Variants in MRAP2 observed in about 807,000 individuals in gnomAD.
MRAP2 encodes the protein melanocortin 2 receptor accessory protein 2, also known as melanocortin-2 receptor accessory protein 2.
MRAP2 carries 20 observed loss-of-function variants against 17.4 expected under a neutral mutation model. The ratio of observed to expected loss-of-function variants is 1.15; its 90% CI spans 0.81 to 1.67. The LOEUF (loss-of-function observed/expected upper bound fraction) is 1.67. Ranked by LOEUF, MRAP2 falls within the 40% of genes most tolerant of loss-of-function variation. The probability of loss-of-function intolerance (pLI) is 0.00; values close to 1 mark genes in which losing one functional copy is unlikely to be tolerated. For synonymous variants in MRAP2, 96 were observed against 88.4 expected (o/e 1.09, Z -0.48); for missense variants, 238 against 240.0 (o/e 0.99, Z 0.05).
At chr6:84,065,331 T>C (rs9449763) in intron 3 of MRAP2, among the ~76,000 whole-genome samples, 7,925 of 150,682 alleles carry the variant, frequency 0.053, 677 homozygotes, top group African/African-American at 0.18. Flanking sequence ...GAAAGGAAAA[T>C]ATCATTTTTA....
the MRAP2 span, among the ~76,000 whole-genome samples, chr6:84,139,363 G>A: frequency 6.6e-6 from 1 of 152,168 alleles, no homozygotes; most frequent in Non-Finnish European, 1.5e-5. Flanking sequence ...GTAAACCAGA[G>A]TTCTAAGCCA....
the MRAP2 span, among the ~76,000 whole-genome samples, chr6:84,116,095 C>T: frequency 6.6e-6 from 1 of 152,290 alleles, no homozygotes; most frequent in African/African-American, 2.4e-5. Flanking sequence ...GACTTCCTCT[C>T]TTCCTATTTA....
intron 3 of MRAP2, among the ~76,000 whole-genome samples, chr6:84,082,950 C>G (rs2099499376): frequency 6.6e-6 from 1 of 152,074 alleles, no homozygotes; most frequent in South Asian, 2.1e-4. Flanking sequence ...ATCACAGACA[C>G]CCCTTCCCCT....
chr6:84,100,262 AT>A, the MRAP2 span, among the ~76,000 whole-genome samples: 1 of 151,496 alleles, frequency 6.6e-6, no homozygotes, highest in Non-Finnish European at 1.5e-5. Context: ...TTTTATTTTT[AT>A]TTGTTTATTT....
chr6:84,077,216 A>T (rs1736724424), intron 3 of MRAP2, among the ~76,000 whole-genome samples: 3 of 152,244 alleles, frequency 2.0e-5, no homozygotes, highest in Admixed American at 2.0e-4. Flanking sequence ...AAGAGCACAG[A>T]GGAGGGACAG....
the MRAP2 span, among the ~76,000 whole-genome samples, chr6:84,122,467 T>C: frequency 4.5e-4 from 65 of 143,470 alleles, 2 homozygotes; most frequent in East Asian, 1.9e-3. Flanking sequence ...ACATAAACAA[T>C]AGAACAAAAA....
At chr6:84,062,463 T>C (rs947807107) in intron 2 of MRAP2, 6 of 881,964 alleles carry the variant, frequency 6.8e-6, no homozygotes, top group African/African-American at 1.8e-5. Flanking sequence ...TTGTTTTCCT[T>C]GCACAGTTAA....
intron 2 of MRAP2, among the ~76,000 whole-genome samples, chr6:84,057,884 T>C (rs960191948): frequency 3.3e-5 from 5 of 152,098 alleles, no homozygotes; most frequent in African/African-American, 1.2e-4. Flanking sequence ...AGGAGAGATT[T>C]GATAAAAGAC....
chr6:84,139,172 T>C, the MRAP2 span, among the ~76,000 whole-genome samples: 2 of 152,210 alleles, frequency 1.3e-5, no homozygotes, highest in African/African-American at 2.4e-5. Flanking sequence ...CATTTTCCTT[T>C]AGTGAAGAGG....
At chr6:84,093,409 C>G (rs2099502119), downstream of MRAP2, among the ~76,000 whole-genome samples, 1 of 152,074 alleles carries the variant, frequency 6.6e-6, no homozygotes, top group East Asian at 1.9e-4. Flanking sequence ...GTGCCATTTG[C>G]TCCCACAGGA....
chr6:84,125,297 C>T, the MRAP2 span: 1 of 1,602,778 alleles, frequency 6.2e-7, no homozygotes, highest in African/African-American at 1.3e-5. Flanking sequence ...AAAAATTCCA[C>T]ATTGCTGTTA....
the MRAP2 span, among the ~76,000 whole-genome samples, chr6:84,096,220 T>C: frequency 6.6e-6 from 1 of 152,182 alleles, no homozygotes. Flanking sequence ...TAGTTTGCAA[T>C]GTTACTTCAG....
chr6:84,077,482 A>C (rs943385535), intron 3 of MRAP2, among the ~76,000 whole-genome samples: 10 of 152,164 alleles, frequency 6.6e-5, no homozygotes, highest in Non-Finnish European at 1.0e-4. Flanking sequence ...GAAACTGCCT[A>C]GCTTATGTCT....
chr6:84,092,881 A>G (rs1389133490), downstream of MRAP2, among the ~76,000 whole-genome samples: 15 of 152,190 alleles, frequency 9.9e-5, no homozygotes, highest in Non-Finnish European at 2.9e-5. Flanking sequence ...CCATTCCAAA[A>G]AGGAGAAAAT....
At chr6:84,105,971 C>T in the MRAP2 span, among the ~76,000 whole-genome samples, 1 of 152,070 alleles carries the variant, frequency 6.6e-6, no homozygotes, top group Non-Finnish European at 1.5e-5. Flanking sequence ...CCCCTTGATT[C>T]CTAGACCTAT....
downstream of MRAP2, among the ~76,000 whole-genome samples, chr6:84,095,680 C>T (rs2099502555): frequency 6.6e-6 from 1 of 152,014 alleles, no homozygotes; most frequent in African/African-American, 2.4e-5. Flanking sequence ...AACAATAATC[C>T]ATCCTGTCAC....
chr6:84,084,903 ATT>A (rs1292960688), intron 3 of MRAP2, among the ~76,000 whole-genome samples: 52 of 109,518 alleles, frequency 4.7e-4, no homozygotes, highest in Middle Eastern at 0.011. Flanking sequence ...ATTTTATTTT[ATT>A]TTATTTTATT....
the MRAP2 span, among the ~76,000 whole-genome samples, chr6:84,142,264 T>C: frequency 7.2e-5 from 11 of 152,358 alleles, no homozygotes; most frequent in Admixed American, 2.6e-4. Context: ...ATTTATTCTA[T>C]CTGCCAAATA....
intron 2 of MRAP2, chr6:84,062,133 G>C (rs2099493319): frequency 1.0e-6 from 1 of 982,750 alleles, no homozygotes; most frequent in Non-Finnish European, 1.2e-6. Context: ...CTAAAATTTG[G>C]CCCAAGAAGG....
Sources: gnomAD v4.1 joint callset for allele counts (sites outside exome capture counted in the v4.1 genomes callset) on GRCh38, gnomAD v4.1.1 for gene constraint, MANE v1.5 for transcripts, NCBI Gene and HGNC (gene_info 2026-07-23, HGNC 2026-07-21) for gene names.